Variants in PRDM15 observed in about 807,000 individuals in gnomAD.
PRDM15 encodes PR domain zinc finger protein 15.
A neutral mutation model predicts 128.6 loss-of-function variants in PRDM15; 64 were observed. That is an observed-to-expected ratio of 0.50 (90% CI 0.41 to 0.61). The LOEUF (loss-of-function observed/expected upper bound fraction) is 0.61. Ranked by LOEUF, PRDM15 falls within the 20% of genes least tolerant of loss-of-function variation. The pLI is 0.00. For synonymous variants in PRDM15, 615 were observed against 621.8 expected (o/e 0.99, Z 0.16); for missense variants, 1,242 against 1,569.1 (o/e 0.79, Z 3.52).
intron 21 of PRDM15, among the ~76,000 whole-genome samples, chr21:41,806,138 TCAC>T (rs2061586646): frequency 1.5e-3 from 3 of 1,972 alleles, no homozygotes; most frequent in Non-Finnish European, 1.6e-3. Flanking sequence ...ACCACCACCA[TCAC>T]CACCACCACC....
chr21:41,843,167 A>G (rs1466472663), intron 6 of PRDM15, among the ~76,000 whole-genome samples: 1 of 152,086 alleles, frequency 6.6e-6, no homozygotes, highest in Non-Finnish European at 1.5e-5. Flanking sequence ...TCTGGAGTTA[A>G]TTAATGCCTT....
intron 1 of PRDM15, among the ~76,000 whole-genome samples, chr21:41,869,759 A>C (rs551619448): frequency 1.3e-5 from 2 of 152,340 alleles, no homozygotes; most frequent in Admixed American, 1.3e-4. Context: ...AAGTCTTATA[A>C]GTATACATCT....
chr21:41,850,016 T>C (rs139219811), intron 5 of PRDM15, among the ~76,000 whole-genome samples: 2 of 152,360 alleles, frequency 1.3e-5, no homozygotes, highest in African/African-American at 2.4e-5. Context: ...AGAACAGTGA[T>C]GCTATATGTG....
rs1170188747 is a variant in PRDM15, at chr21:41,832,034, G to A, written c.1366+3403C>T. Among the ~76,000 whole-genome samples, 3 of 152,198 alleles carry A rather than the reference G, an allele frequency of 2.0e-5. No individual in the cohort carries two copies. The highest frequency in any genetic ancestry group is 2.1e-4 in the South Asian group (1 of 4,828). ...TGATGGGCTCTGTCCGGATCCACAC[G>A]ACCGCATGGTATGTGTCCTTCACAC... On this transcript the variant is annotated intron_variant, in intron 11 of 23. Transcript: ENST00000398548. The surrounding 1 kb of genome is among the most constrained non-coding windows in gnomAD (Gnocchi z 4.2).
rs1297604707 is a variant in PRDM15, at chr21:41,819,629, C to T, written c.2213G>A (p.Arg738His). ...GTACTCGCGGACATTGTCGTGCACA[C>T]GCATGTGCTCCTTCAGCATGTCCTT... ...ARKDMLKEHM[R>H]VHDNVREYLC... The change falls in exon 18 of 24, where the codon CGT becomes CAT. Residue 738 changes from arginine (R) to histidine (H), a missense_variant. Arg to His is a conservative substitution (Grantham distance 29). Coordinates refer to ENST00000398548, the MANE Select transcript of PRDM15 (RefSeq NM_001040424.3). 8.7e-6 allele frequency: 14 copies of T among 1,611,782 alleles called. No individual in the cohort carries two copies. The highest frequency in any genetic ancestry group is 3.3e-5 in the Admixed American group (2 of 59,876).
chr21:41,831,037 G>T (rs1025127477), intron 11 of PRDM15, among the ~76,000 whole-genome samples: 11 of 152,254 alleles, frequency 7.2e-5, no homozygotes, highest in African/African-American at 2.7e-4. Context: ...TCGCCAACGT[G>T]GGAGGACATG....
chr21:41,803,636 C>T (rs1016109456), intron 22 of PRDM15, among the ~76,000 whole-genome samples: 2 of 152,228 alleles, frequency 1.3e-5, no homozygotes, highest in Non-Finnish European at 2.9e-5. Flanking sequence ...ACACCGCTGT[C>T]ATGGTGGGAC....
At chr21:41,870,149 A>T (rs978205115) in intron 1 of PRDM15, among the ~76,000 whole-genome samples, 1 of 152,258 alleles carries the variant, frequency 6.6e-6, no homozygotes, top group African/African-American at 2.4e-5. Context: ...TTTAAGCCAT[A>T]AAAATTCTTG....
chr21:41,859,531 C>T lies in PRDM15; in HGVS notation c.131+61G>A. 1 of 1,387,662 alleles carries T rather than the reference C, an allele frequency of 7.2e-7. No homozygotes were observed. The highest frequency in any genetic ancestry group is 1.0e-6 in the Non-Finnish European group (1 of 984,984). The allele number at this position is 1,387,662 out of a possible 1,614,324, so 86.0% of individuals were successfully genotyped here. A position where few individuals can be genotyped will look rare whatever the true frequency, so the allele number is the denominator to read the frequency against. ...TCCTCCCCGTCTGCAGACCCAAAGG[C>T]CACTAGGCTCCTGCCGCAGCTGGCA... On this transcript the variant is annotated intron_variant, in intron 3 of 23. Transcript: ENST00000398548. This position sits in a 1 kb window ranked among gnomAD's most constrained non-coding sequence, Gnocchi z 5.3.
intron 18 of PRDM15, 95 bp downstream of exon 18, chr21:41,819,481 ACCTTCC>A: frequency 5.9e-6 from 1 of 169,842 alleles, no homozygotes; most frequent in Non-Finnish European, 9.5e-6. Flanking sequence ...CGCCACACCC[ACCTTCC>A]CCACACTCCC....
intron 1 of PRDM15, among the ~76,000 whole-genome samples, chr21:41,869,332 G>C (rs769152356): frequency 6.6e-6 from 1 of 152,136 alleles, no homozygotes; most frequent in Non-Finnish European, 1.5e-5. Flanking sequence ...CCAGGCTAGA[G>C]TGCAGTGGCG....
chr21:41,831,946 CT>C (rs2062708439), intron 11 of PRDM15, among the ~76,000 whole-genome samples: 1 of 152,210 alleles, frequency 6.6e-6, no homozygotes, highest in African/African-American at 2.4e-5. Context: ...GCTTGCCTTC[CT>C]TCTATAAAGT....
At chr21:41,847,807 G>A (rs1436447886) in intron 5 of PRDM15, among the ~76,000 whole-genome samples, 2 of 152,236 alleles carry the variant, frequency 1.3e-5, no homozygotes, top group Non-Finnish European at 2.9e-5. Context: ...TGAGGTAGGG[G>A]GCCGCTATCC....
At position 41,810,416 on chromosome 21, in the gene PRDM15, G is replaced by A; in HGVS notation, c.2477-87C>T. The stretch of plus-strand genomic sequence containing the variant: ...GCAGCCATCCCAATGACCCTGGCCT[G>A]CTGGACGAGGCAAGAAGCCTGTCAC... On this transcript the variant is annotated intron_variant, in intron 20 of 23. Transcript: ENST00000398548. This position sits in a 1 kb window ranked among gnomAD's most constrained non-coding sequence, Gnocchi z 6.4. 1.4e-6 allele frequency: 2 copies of A among 1,445,964 alleles called. No homozygotes were observed. Among genetic ancestry groups the A allele is most frequent in the Non-Finnish European group, 1.9e-6 (2 of 1,071,284 alleles). The allele number at this position is 1,445,964 out of a possible 1,614,324, so 89.6% of individuals were successfully genotyped here. A position where few individuals can be genotyped will look rare whatever the true frequency, so the allele number is the denominator to read the frequency against.
intron 1 of PRDM15, chr21:41,878,721 G>A (rs540229422): frequency 1.9e-6 from 3 of 1,573,730 alleles, no homozygotes; most frequent in Admixed American, 3.5e-5. Context: ...TAAACGCGGG[G>A]TTGGGGGTCC....
intron 11 of PRDM15, among the ~76,000 whole-genome samples, chr21:41,834,064 G>A (rs1263710580): frequency 6.6e-6 from 1 of 152,182 alleles, no homozygotes; most frequent in East Asian, 1.9e-4. Flanking sequence ...TCTTGTGATA[G>A]GAGGGCTTAA....
chr21:41,858,555 T>C (rs34594813), intron 3 of PRDM15, among the ~76,000 whole-genome samples: 64 of 116,784 alleles, frequency 5.5e-4, no homozygotes, highest in South Asian at 1.8e-3. Flanking sequence ...AGCACAGGCC[T>C]CTCCGACAGA....
chr21:41,851,602 G>C (rs532568677), intron 5 of PRDM15, among the ~76,000 whole-genome samples: 1 of 152,188 alleles, frequency 6.6e-6, no homozygotes, highest in Non-Finnish European at 1.5e-5. Flanking sequence ...GACAGGCAGC[G>C]TGTGTGTGAG....
At chr21:41,856,455 T>C (rs1028440046) in intron 4 of PRDM15, among the ~76,000 whole-genome samples, 1 of 151,296 alleles carries the variant, frequency 6.6e-6, no homozygotes, top group African/African-American at 2.4e-5. Flanking sequence ...ATTTCAAGGG[T>C]CTCTAAGAAA....
Sources: allele counts gnomAD v4.1 joint callset (sites outside exome capture counted in the v4.1 genomes callset), GRCh38; gene constraint gnomAD v4.1.1; non-coding constraint Gnocchi (gnomAD v3.1); transcripts MANE v1.5; gene names NCBI Gene and HGNC (gene_info 2026-07-23, HGNC 2026-07-21).